ATP9A: variants seen among roughly 807,000 people sequenced by gnomAD.
The protein encoded by ATP9A is ATPase phospholipid transporting 9A.
Under a neutral mutation model 144.1 loss-of-function variants are expected in ATP9A, and 52 were observed. The observed-to-expected ratio is 0.36, with a 90% CI of 0.29 to 0.45. The LOEUF (loss-of-function observed/expected upper bound fraction) is 0.45, where lower values mean the gene tolerates loss of function less well. Ranked by LOEUF, ATP9A falls within the 20% of genes least tolerant of loss-of-function variation. ATP9A has a pLI of 1.00. For synonymous variants in ATP9A, 582 were observed against 557.4 expected, an observed-to-expected ratio of 1.04 and a Z score of -0.62; for missense variants, 947 against 1,392.7, an observed-to-expected ratio of 0.68 and a Z score of 5.09.
chr20:51,604,740 C>G, intron 27 of ATP9A, 77 bp downstream of exon 27: 1 of 1,313,206 alleles, frequency 7.6e-7, no homozygotes, highest in South Asian at 1.9e-5. Flanking sequence ...AACCCCCCTT[C>G]CTTCATACGG....
At chr20:51,682,575 A>ATTTTTTTTTTTTTTTTT (rs2077504448) in intron 9 of ATP9A, among the ~76,000 whole-genome samples, 1 of 32,814 alleles carries the variant, frequency 3.0e-5, no homozygotes, top group Non-Finnish European at 7.5e-5. Context: ...TTTTCACTGT[A>ATTTTTTTTTTTTTTTTT]TCTTTTTTTT....
chr20:51,747,962 A>G (rs1601143154), intron 1 of ATP9A, among the ~76,000 whole-genome samples: 1 of 151,340 alleles, frequency 6.6e-6, no homozygotes, highest in Non-Finnish European at 1.5e-5. Flanking sequence ...TGTCTGTAAG[A>G]CCCACTCACA....
At chr20:51,618,526 T>C in intron 21 of ATP9A, 136 bp downstream of exon 21, 4 of 1,247,324 alleles carry the variant, frequency 3.2e-6, no homozygotes, top group Non-Finnish European at 4.3e-6. Flanking sequence ...GTCTGAGAGG[T>C]GGAGAAAAAT....
At chr20:51,740,265 C>T (rs1025975678) in intron 1 of ATP9A, among the ~76,000 whole-genome samples, 9 of 151,146 alleles carry the variant, frequency 6.0e-5, no homozygotes, top group Admixed American at 4.6e-4. Flanking sequence ...CCTACATAGC[C>T]CAGGTTGGTC....
intron 22 of ATP9A, among the ~76,000 whole-genome samples, chr20:51,616,204 AG>A: frequency 6.6e-6 from 1 of 152,146 alleles, no homozygotes; most frequent in Admixed American, 6.6e-5. Context: ...GGTGGTAAAG[AG>A]GGGGAAAAAA....
Position 51,598,827 on chromosome 20 carries a change from G to A in ATP9A, c.*2384C>T, listed in dbSNP as rs900072121. 3 of 152,336 alleles carry A rather than the reference G, an allele frequency of 2.0e-5. No homozygotes were observed. The highest frequency in any genetic ancestry group is 2.9e-5 in the Non-Finnish European group (2 of 68,100). 9.4% of individuals were successfully genotyped at this position (152,336 alleles called of 1,614,324 possible). Reference sequence around the variant, plus strand: ...TGGCGTCAGCCAGCTGCCCACTGATGGGATGGGCCAACGACGTGGCAGTTT... The same window carrying A: ...TGGCGTCAGCCAGCTGCCCACTGATAGGATGGGCCAACGACGTGGCAGTTT... On this transcript the variant is annotated 3_prime_UTR_variant, in exon 28 of 28. Coordinates refer to ENST00000338821, the MANE Select transcript of ATP9A (RefSeq NM_006045.3).
intron 1 of ATP9A, among the ~76,000 whole-genome samples, chr20:51,764,558 T>C (rs1261107133): frequency 1.3e-5 from 2 of 152,164 alleles, no homozygotes; most frequent in Non-Finnish European, 2.9e-5. Context: ...TGTGGCATCG[T>C]TTTTGGTTTT....
At chr20:51,665,485 G>A (rs557660345) in intron 13 of ATP9A, among the ~76,000 whole-genome samples, 7 of 152,018 alleles carry the variant, frequency 4.6e-5, no homozygotes, top group South Asian at 2.1e-4. Context: ...TTGGGAGGCC[G>A]AGGCAGGCAG....
intron 3 of ATP9A, among the ~76,000 whole-genome samples, chr20:51,717,987 A>G (rs8183534): frequency 1.3e-5 from 2 of 152,020 alleles, no homozygotes; most frequent in South Asian, 4.1e-4. Context: ...GGAAAAATGT[A>G]TGCCAAACAT....
chr20:51,612,059 TCTA>T (rs2077186822), intron 23 of ATP9A, among the ~76,000 whole-genome samples: 1 of 152,210 alleles, frequency 6.6e-6, no homozygotes, highest in Non-Finnish European at 1.5e-5. Context: ...TTATTTCACT[TCTA>T]CTAATCACGG....
chr20:51,634,631 G>A (rs1347045412), intron 15 of ATP9A, among the ~76,000 whole-genome samples: 1 of 152,042 alleles, frequency 6.6e-6, no homozygotes, highest in Non-Finnish European at 1.5e-5. Context: ...CGAGGTGGGT[G>A]GATCACCTGA....
chr20:51,669,990 G>A lies in ATP9A; in HGVS notation c.1293+7C>T. 1.9e-6 allele frequency: 3 copies of A among 1,604,940 alleles called. No individual in the cohort carries two copies. The highest frequency in any genetic ancestry group is 2.2e-5 in the South Asian group (2 of 90,850). ...ATTGTTTTGGGTGTTGAAATGGAAG[G>A]CTTTACCTGGGTGTAAATGCTGAAA... is the stretch of plus-strand genomic sequence containing the variant. On this transcript the variant is annotated splice_region_variant and intron_variant, in intron 13 of 27. Transcript: ENST00000338821.
intron 3 of ATP9A, among the ~76,000 whole-genome samples, chr20:51,718,576 G>C (rs1199666682): frequency 1.3e-5 from 2 of 151,858 alleles, no homozygotes; most frequent in Admixed American, 6.6e-5. Flanking sequence ...CCAGCACTTT[G>C]GGAGGCCAAG....
chr20:51,699,333 C>CAA (rs74175569), intron 4 of ATP9A, among the ~76,000 whole-genome samples: 129 of 70,150 alleles, frequency 1.8e-3, no homozygotes, highest in African/African-American at 3.4e-3. Flanking sequence ...AACTCAATCT[C>CAA]AAAAAAAAAA....
At chr20:51,754,032 A>G (rs1024133502) in intron 1 of ATP9A, among the ~76,000 whole-genome samples, 1 of 151,950 alleles carries the variant, frequency 6.6e-6, no homozygotes, top group Non-Finnish European at 1.5e-5. Flanking sequence ...GAAAACAAAG[A>G]TTAGACTTTT....
At chr20:51,747,068 T>C (rs1163309200) in intron 1 of ATP9A, among the ~76,000 whole-genome samples, 1 of 150,636 alleles carries the variant, frequency 6.6e-6, no homozygotes, top group Non-Finnish European at 1.5e-5. Flanking sequence ...TTGCTCTTCC[T>C]TCTAAATACA....
chr20:51,638,642 C>A (rs920227859), intron 15 of ATP9A, among the ~76,000 whole-genome samples: 2 of 152,010 alleles, frequency 1.3e-5, no homozygotes, highest in Non-Finnish European at 2.9e-5. Context: ...GCAGGAGAAT[C>A]GGTTGAGGCC....
chr20:51,690,863 A>G, intron 7 of ATP9A, 44 bp from the exon 8 acceptor site: 2 of 1,499,358 alleles, frequency 1.3e-6, no homozygotes, highest in African/African-American at 1.4e-5. Context: ...TCAGTTCACA[A>G]TGCAAGACTT....
intron 14 of ATP9A, among the ~76,000 whole-genome samples, chr20:51,649,662 C>T (rs2077355583): frequency 6.6e-6 from 1 of 152,200 alleles, no homozygotes; most frequent in Non-Finnish European, 1.5e-5. Context: ...CGCCTGTAAT[C>T]CCAGCACTGT....
Sources: allele counts gnomAD v4.1 joint callset (sites outside exome capture counted in the v4.1 genomes callset), GRCh38; gene constraint gnomAD v4.1.1; transcripts MANE v1.5; gene names NCBI Gene and HGNC (gene_info 2026-07-23, HGNC 2026-07-21).